The following ZRANB3 variants were observed in gnomAD, a reference collection of about 807,000 sequenced individuals.
ZRANB3 encodes DNA annealing helicase and endonuclease ZRANB3.
A neutral mutation model predicts 133.8 loss-of-function variants in ZRANB3; 125 were observed. That is an observed-to-expected ratio of 0.93 (90% CI 0.81 to 1.08). The LOEUF (loss-of-function observed/expected upper bound fraction) is 1.08. Ranked by LOEUF, ZRANB3 falls within the 50% of genes least tolerant of loss-of-function variation. The pLI is 0.00. For synonymous variants in ZRANB3, 387 were observed against 432.7 expected, an observed-to-expected ratio of 0.89 and a Z score of 1.31; for missense variants, 1,229 against 1,275.5, an observed-to-expected ratio of 0.96 and a Z score of 0.56.
intron 3 of ZRANB3, among the ~76,000 whole-genome samples, chr2:135,380,402 C>A (rs1686638131): frequency 6.6e-6 from 1 of 152,164 alleles, no homozygotes. Context: ...AAATTGACTA[C>A]ATAATTGGAA....
At chr2:135,372,301 A>AC (rs1268179189) in intron 3 of ZRANB3, among the ~76,000 whole-genome samples, 1 of 152,180 alleles carries the variant, frequency 6.6e-6, no homozygotes, top group Non-Finnish European at 1.5e-5. Context: ...CCTTGATCTT[A>AC]GACTTCCCAG....
chr2:135,318,655 T>C (rs1009352444), intron 6 of ZRANB3, among the ~76,000 whole-genome samples: 8 of 152,216 alleles, frequency 5.3e-5, no homozygotes, highest in African/African-American at 1.4e-4. Flanking sequence ...TTCGGGGTCA[T>C]AGTTAAAGAG....
chr2:135,473,548 A>G (rs1189458617), intron 2 of ZRANB3, among the ~76,000 whole-genome samples: 5 of 137,086 alleles, frequency 3.6e-5, no homozygotes, highest in Admixed American at 2.8e-4. Flanking sequence ...TAATATGCTA[A>G]AAAAAAAAAA....
intron 17 of ZRANB3, among the ~76,000 whole-genome samples, chr2:135,214,363 A>G (rs1348048515): frequency 5.3e-5 from 8 of 152,032 alleles, no homozygotes; most frequent in Admixed American, 1.3e-4. Flanking sequence ...GCTGCTTGTT[A>G]ACACAAGTTA....
intron 2 of ZRANB3, among the ~76,000 whole-genome samples, chr2:135,393,188 A>T (rs1290227568): frequency 6.6e-6 from 1 of 152,230 alleles, no homozygotes; most frequent in Admixed American, 6.5e-5. Context: ...TCTTTACAAA[A>T]AATAAAATTC....
chr2:135,249,968 C>CA (rs35843487), intron 12 of ZRANB3, among the ~76,000 whole-genome samples: 2 of 152,096 alleles, frequency 1.3e-5, no homozygotes, highest in African/African-American at 4.8e-5. Flanking sequence ...GGGTAACAGG[C>CA]AGAGACTGGA....
intron 3 of ZRANB3, among the ~76,000 whole-genome samples, chr2:135,371,841 A>G (rs571144082): frequency 1.3e-5 from 2 of 152,318 alleles, no homozygotes; most frequent in Non-Finnish European, 2.9e-5. Flanking sequence ...GAGGGAAGTC[A>G]TAAGGGTGGG....
intron 2 of ZRANB3, among the ~76,000 whole-genome samples, chr2:135,495,997 T>G (rs1422049603): frequency 6.6e-6 from 1 of 152,210 alleles, no homozygotes; most frequent in Non-Finnish European, 1.5e-5. Flanking sequence ...GGTTTGAATT[T>G]GTATTACCTG....
intron 6 of ZRANB3, among the ~76,000 whole-genome samples, chr2:135,338,086 A>G (rs1262454229): frequency 3.9e-5 from 6 of 152,178 alleles, no homozygotes; most frequent in Non-Finnish European, 8.8e-5. Flanking sequence ...ATTTTAAGTT[A>G]TATCTGAGTA....
At chr2:135,423,046 G>T (rs78227449) in intron 2 of ZRANB3, among the ~76,000 whole-genome samples, 1 of 152,192 alleles carries the variant, frequency 6.6e-6, no homozygotes, top group Non-Finnish European at 1.5e-5. Context: ...GTGGATGCCT[G>T]GAATCCTTGG....
chr2:135,221,298 C>A (rs1200258968), intron 15 of ZRANB3, among the ~76,000 whole-genome samples: 2 of 152,076 alleles, frequency 1.3e-5, no homozygotes, highest in African/African-American at 2.4e-5. Flanking sequence ...GGTAAAGGGA[C>A]ATGTAAGTAT....
intron 3 of ZRANB3, among the ~76,000 whole-genome samples, chr2:135,357,466 T>C (rs753071670): frequency 6.6e-6 from 1 of 152,156 alleles, no homozygotes; most frequent in Non-Finnish European, 1.5e-5. Flanking sequence ...CGGCTAACTT[T>C]TGTATTTTTA....
chr2:135,377,934 G>A (rs970819354), intron 3 of ZRANB3, among the ~76,000 whole-genome samples: 42 of 152,244 alleles, frequency 2.8e-4, no homozygotes, highest in African/African-American at 9.1e-4. Flanking sequence ...AATATAAGCA[G>A]GCAGAAAAAT....
At chr2:135,375,467 C>T (rs913818630) in intron 3 of ZRANB3, among the ~76,000 whole-genome samples, 4 of 152,052 alleles carry the variant, frequency 2.6e-5, no homozygotes, top group African/African-American at 9.7e-5. Flanking sequence ...GGGCAGATCA[C>T]GAGCTCAGGA....
chr2:135,470,273 G>A (rs1393407128), intron 2 of ZRANB3, among the ~76,000 whole-genome samples: 4 of 151,468 alleles, frequency 2.6e-5, no homozygotes, highest in African/African-American at 4.9e-5. Flanking sequence ...GCAGTGAGCC[G>A]AGATTGAGCC....
In ZRANB3 at chr2:135,208,854, T is replaced by G. The variant is rs1483661745; in HGVS notation, c.2606+14A>C. The G allele has an allele frequency of 6.2e-7, 1 of 1,606,036 alleles. No individual in the cohort carries two copies. The highest frequency in any genetic ancestry group is 8.5e-7 in the Non-Finnish European group (1 of 1,172,784). On this transcript the variant is annotated intron_variant, in intron 18 of 20. Transcript: ENST00000264159. ...AATTAGTACTACTATATACTAGTAG[T>G]AGAAAAACCTTACTTTGTGAAAGGA...
Position 135,199,629 on chromosome 2 carries a change from A to T in ZRANB3, c.*713T>A, listed in dbSNP as rs942598838. 3.3e-5 allele frequency: 5 copies of T among 152,120 alleles called. No homozygotes were observed. Among genetic ancestry groups the T allele is most frequent in the African/African-American group, 9.7e-5 (4 of 41,400 alleles). 9.4% of individuals were successfully genotyped at this position (152,120 alleles called of 1,614,324 possible). A position where few individuals can be genotyped will look rare whatever the true frequency, so the allele number is the denominator to read the frequency against. ...GTAAGCCTAGTTTTATTCATTTTTT[A>T]AAAAAAGATCTAAAAAATCAAGCTT... On this transcript the variant is annotated 3_prime_UTR_variant, in exon 21 of 21. Transcript: ENST00000264159.
At chr2:135,318,869 C>T (rs1220069789) in intron 6 of ZRANB3, among the ~76,000 whole-genome samples, 4 of 152,154 alleles carry the variant, frequency 2.6e-5, no homozygotes, top group African/African-American at 9.7e-5. Context: ...ACTCCAGAGG[C>T]GTTCAAGTCA....
intron 20 of ZRANB3, chr2:135,202,604 G>A (rs747788885): frequency 5.5e-5 from 21 of 381,262 alleles, no homozygotes; most frequent in Non-Finnish European, 8.0e-5. Context: ...TCTTGGTAGT[G>A]GTGCAAATGT....
Sources: allele counts gnomAD v4.1 joint callset (sites outside exome capture counted in the v4.1 genomes callset), GRCh38; gene constraint gnomAD v4.1.1; transcripts MANE v1.5; gene names NCBI Gene and HGNC (gene_info 2026-07-23, HGNC 2026-07-21).